ITGA11: variants seen among roughly 807,000 people sequenced by gnomAD.
The protein encoded by ITGA11 is integrin alpha-11.
Under a neutral mutation model 141.9 loss-of-function variants are expected in ITGA11, and 97 were observed. The observed-to-expected ratio is 0.68, with a 90% CI of 0.58 to 0.81. The LOEUF (loss-of-function observed/expected upper bound fraction) is 0.81. Among genes scored for constraint, ITGA11 ranks in the 30% least tolerant of loss-of-function variants. The pLI is 0.00. For missense variants in ITGA11, 1,387 were observed against 1,559.2 expected (o/e 0.89, Z 1.86); for synonymous variants, 658 against 624.6 (o/e 1.05, Z -0.80).
chr15:68,316,244 C>T (rs1199268319), intron 21 of ITGA11, among the ~76,000 whole-genome samples: 1 of 152,218 alleles, frequency 6.6e-6, no homozygotes, highest in Non-Finnish European at 1.5e-5. Context: ...AACAAGGCAT[C>T]CGCCCCTTGT....
chr15:68,391,223 CCT>C (rs1479742269), intron 2 of ITGA11, among the ~76,000 whole-genome samples: 4 of 152,136 alleles, frequency 2.6e-5, no homozygotes, highest in Admixed American at 6.5e-5. Context: ...CCAAGGCCAC[CCT>C]CTCTGTTTCT....
At chr15:68,413,641 A>T (rs1332056496) in intron 1 of ITGA11, among the ~76,000 whole-genome samples, 4 of 152,108 alleles carry the variant, frequency 2.6e-5, no homozygotes, top group African/African-American at 9.7e-5. Flanking sequence ...CAGCTTCCCC[A>T]TCTGTAAAAT....
intron 1 of ITGA11, among the ~76,000 whole-genome samples, chr15:68,403,793 C>A (rs903957216): frequency 8.6e-5 from 13 of 152,002 alleles, no homozygotes; most frequent in Admixed American, 7.2e-4. Flanking sequence ...TACCACTGTG[C>A]CTGGTCGATT....
intron 1 of ITGA11, among the ~76,000 whole-genome samples, chr15:68,404,345 A>G (rs544683167): frequency 3.7e-4 from 57 of 152,238 alleles, no homozygotes; most frequent in Non-Finnish European, 6.6e-4. Context: ...GCGAGCACAG[A>G]AAAAGCCCTA....
At chr15:68,412,152 T>C (rs1262727278) in intron 1 of ITGA11, among the ~76,000 whole-genome samples, 1 of 152,178 alleles carries the variant, frequency 6.6e-6, no homozygotes, top group Non-Finnish European at 1.5e-5. Context: ...TGATAATTGA[T>C]GCAGCTTAGC....
Position 68,321,272 on chromosome 15 carries a change from G to T in ITGA11, c.2408+146C>A. ...TGCAGGAGTTGGTGGCAGAGCCTGGGCTAGAACGCAGGCTCCAAGTGCAAT... is the reference window on the plus strand; with the variant it reads ...TGCAGGAGTTGGTGGCAGAGCCTGGTCTAGAACGCAGGCTCCAAGTGCAAT... On this transcript the variant is annotated intron_variant, in intron 19 of 29. Transcript: ENST00000315757. The surrounding 1 kb of genome is among the most constrained non-coding windows in gnomAD (Gnocchi z 4.9). 4 of 471,790 alleles carry T rather than the reference G, an allele frequency of 8.5e-6. No individual in the cohort carries two copies. Among genetic ancestry groups the T allele is most frequent in the Middle Eastern group, 3.0e-4 (1 of 3,290 alleles). The allele number at this position is 471,790 out of a possible 1,614,324, so 29.2% of individuals were successfully genotyped here.
intron 2 of ITGA11, among the ~76,000 whole-genome samples, chr15:68,392,268 T>G (rs941948542): frequency 1.2e-4 from 19 of 152,190 alleles, no homozygotes; most frequent in African/African-American, 4.1e-4. Context: ...CATAAACAAC[T>G]ATGTAAACAG....
At chr15:68,318,399 G>A (rs1015364648) in intron 20 of ITGA11, among the ~76,000 whole-genome samples, 2 of 152,156 alleles carry the variant, frequency 1.3e-5, no homozygotes, top group African/African-American at 4.8e-5. Context: ...CTGGTGTGGG[G>A]CTTGATTCCC....
At chr15:68,397,172 T>TATTTA (rs1567156802) in intron 2 of ITGA11, among the ~76,000 whole-genome samples, 32 of 36 alleles carry the variant, frequency 0.89, 16 homozygotes, top group Admixed American at 1. Context: ...TATTTTAAAT[T>TATTTA]TTATATATTA....
rs760195171 is a variant in ITGA11 at position 68,307,198 on chromosome 15, G to A, written c.3381+150C>T. 12 of 617,596 alleles carry A rather than the reference G, an allele frequency of 1.9e-5. No individual in the cohort carries two copies. The highest frequency in any genetic ancestry group is 2.8e-5 in the East Asian group (1 of 36,316). 38.3% of individuals were successfully genotyped at this position (617,596 alleles called of 1,614,324 possible). Reference sequence around the variant, plus strand: ...TCTTGCTTTTTTCCCTCTTTTCAGCGGCTGCCCTAACAGCCCACAGGTCTG... The same window carrying A: ...TCTTGCTTTTTTCCCTCTTTTCAGCAGCTGCCCTAACAGCCCACAGGTCTG... On this transcript the variant is annotated intron_variant, in intron 28 of 29. Transcript: ENST00000315757. The surrounding 1 kb of genome is among the most constrained non-coding windows in gnomAD (Gnocchi z 6.1).
At chr15:68,327,291 G>T (rs1344772979) in intron 16 of ITGA11, among the ~76,000 whole-genome samples, 1 of 152,200 alleles carries the variant, frequency 6.6e-6, no homozygotes, top group African/African-American at 2.4e-5. Flanking sequence ...CATAAACCCT[G>T]CTGCCTCCTC....
intron 1 of ITGA11, among the ~76,000 whole-genome samples, chr15:68,416,829 T>C (rs1386037176): frequency 1.3e-5 from 2 of 152,008 alleles, no homozygotes; most frequent in African/African-American, 4.8e-5. Context: ...GGTAGGAGAA[T>C]TGCTTGAACC....
At chr15:68,369,936 C>T (rs2140361420) in intron 2 of ITGA11, among the ~76,000 whole-genome samples, 1 of 152,130 alleles carries the variant, frequency 6.6e-6, no homozygotes, top group Non-Finnish European at 1.5e-5. Flanking sequence ...CTGGGTGGAC[C>T]CTAAATTCAA....
chr15:68,332,897 GGT>G (rs1894222000), intron 12 of ITGA11, among the ~76,000 whole-genome samples: 1 of 152,062 alleles, frequency 6.6e-6, no homozygotes, highest in Admixed American at 6.5e-5. Context: ...CCTATTTGTA[GGT>G]GTGTGTATAT....
At chr15:68,382,191 A>G (rs376004225) in intron 2 of ITGA11, among the ~76,000 whole-genome samples, 1 of 152,198 alleles carries the variant, frequency 6.6e-6, no homozygotes, top group East Asian at 1.9e-4. Flanking sequence ...GGCTAGCTTC[A>G]TTGGAGGGTG....
chr15:68,369,152 C>T (rs780466862), intron 3 of ITGA11, 32 bp downstream of exon 3: 8 of 1,518,406 alleles, frequency 5.3e-6, no homozygotes, highest in Admixed American at 1.7e-5. Flanking sequence ...AACCGCTGGC[C>T]TCATTGTGAA....
In ITGA11 at chr15:68,307,372, GA is replaced by G. The variant is rs1893232969; in HGVS notation, c.3356del (p.Phe1119SerfsTer28). The G allele has an allele frequency of 6.4e-7, 1 of 1,557,334 alleles. No homozygotes were observed. The highest frequency in any genetic ancestry group is 1.2e-5 in the South Asian group (1 of 84,430). On this transcript the variant is annotated frameshift_variant, in exon 28 of 30. Coordinates refer to ENST00000315757, the MANE Select transcript of ITGA11 (RefSeq NM_001004439.2). LOFTEE classifies it high-confidence loss of function. This position sits in a 1 kb window ranked among gnomAD's most constrained non-coding sequence, Gnocchi z 6.1. ...LQRQFHSPFI[F>X]REEDPSRQIV... ...CCTGGCGGCTGGGATCCTCCTCACG[GA>G]AGATGAAGGGGCTGTGGAACTGCCT...
At position 68,307,844 on chromosome 15, in the gene ITGA11, A is replaced by G. The variant is rs541084633; in HGVS notation, c.3175-148T>C. The G allele has an allele frequency of 4.9e-6, 3 of 610,362 alleles. No homozygotes were observed. In the South Asian group the frequency reaches 5.9e-5, roughly 12 times the overall value. 37.8% of individuals were successfully genotyped at this position (610,362 alleles called of 1,614,324 possible). A position where few individuals can be genotyped will look rare whatever the true frequency, so the allele number is the denominator to read the frequency against. ...AAAGTTGGGAGTGGGGGACATGTGC[A>G]TTGCGTCTGCCAGGGGATGACTGAA... On this transcript the variant is annotated intron_variant, in intron 26 of 29. Coordinates refer to ENST00000315757, the MANE Select transcript of ITGA11 (RefSeq NM_001004439.2). This position sits in a 1 kb window ranked among gnomAD's most constrained non-coding sequence, Gnocchi z 6.1.
chr15:68,401,716 G>C (rs539040750), intron 2 of ITGA11, among the ~76,000 whole-genome samples: 1 of 152,216 alleles, frequency 6.6e-6, no homozygotes, highest in South Asian at 2.1e-4. Context: ...GGGTGAGTGG[G>C]CACCACCTTC....
Sources: allele counts gnomAD v4.1 joint callset (sites outside exome capture counted in the v4.1 genomes callset), GRCh38; gene constraint gnomAD v4.1.1; non-coding constraint Gnocchi (gnomAD v3.1); transcripts MANE v1.5; gene names NCBI Gene and HGNC (gene_info 2026-07-23, HGNC 2026-07-21).